The following PCDHA5 variants were observed in gnomAD, a reference collection of about 807,000 sequenced individuals.
The protein encoded by PCDHA5 is protocadherin alpha-5.
Under a neutral mutation model 61.6 loss-of-function variants are expected in PCDHA5, and 43 were observed. That is an observed-to-expected ratio of 0.70 (90% confidence interval 0.55 to 0.90). The LOEUF (loss-of-function observed/expected upper bound fraction) is 0.90, where lower values mean the gene tolerates loss of function less well. Ranked by LOEUF, PCDHA5 falls within the 40% of genes least tolerant of loss-of-function variation. The probability of loss-of-function intolerance (pLI) is 0.00; values close to 1 mark genes in which losing one functional copy is unlikely to be tolerated. For synonymous variants in PCDHA5, 627 were observed against 543.9 expected, an observed-to-expected ratio of 1.15 and a Z score of -2.13; for missense variants, 1,298 against 1,222.7, an observed-to-expected ratio of 1.06 and a Z score of -0.92.
rs2098415057 is a variant in PCDHA5, at chr5:141,009,865, A to G, written c.2739A>G (p.Lys913=). ...AGGAGGAGACCAAGAAAAAGAAGAAAAAGAAGAAGGGTAACAAGACCCAGG... is the reference window on the plus strand; with the variant it reads ...AGGAGGAGACCAAGAAAAAGAAGAAGAAGAAGAAGGGTAACAAGACCCAGG... ...GKKEETKKKK[K]KKKGNKTQEK... The change falls in exon 4 of 4, where the codon AAA becomes AAG. Residue 913 remains lysine, a synonymous_variant. Transcript: ENST00000529859. The G allele has an allele frequency of 6.2e-7, 1 of 1,614,076 alleles. No homozygotes were observed.
At chr5:140,883,615 C>A in intron 1 of PCDHA5, 2 of 1,613,938 alleles carry the variant, frequency 1.2e-6, no homozygotes, top group East Asian at 2.2e-5. Flanking sequence ...CCGACGTGAA[C>A]GACAACGCGC....
intron 1 of PCDHA5, chr5:140,870,351 C>G (rs958022470): frequency 2.5e-6 from 4 of 1,614,202 alleles, no homozygotes; most frequent in Non-Finnish European, 3.4e-6. Context: ...ACCGCGAGAA[C>G]GTGTGGGCCT....
chr5:140,843,319 G>A lies in PCDHA5; in HGVS notation c.2352+19192G>A, dbSNP rs1554139952. On this transcript the variant is annotated intron_variant, in intron 1 of 3. Coordinates refer to ENST00000529859, the MANE Select transcript of PCDHA5 (RefSeq NM_018908.3). The stretch of plus-strand genomic sequence containing the variant: ...CGCTGACCGCCACGGCCACGGTTCT[G>A]GTGTCGCTGGTGGAGAGCGGCCAGG... The A allele has an allele frequency of 5.6e-6, 9 of 1,595,928 alleles. 2 individuals carry two copies. In the African/African-American group the frequency reaches 1.2e-4, roughly 21 times the overall value.
intron 1 of PCDHA5, chr5:140,969,456 A>G (rs963968770): frequency 4.0e-6 from 6 of 1,508,992 alleles, no homozygotes; most frequent in Admixed American, 2.2e-5. Flanking sequence ...CTGAGTATAT[A>G]TAGTATCCAC....
At chr5:140,950,439 G>A (rs1448812695) in intron 1 of PCDHA5, among the ~76,000 whole-genome samples, 1 of 151,962 alleles carries the variant, frequency 6.6e-6, no homozygotes, top group Non-Finnish European at 1.5e-5. Context: ...TAAAAAAAAT[G>A]TTATTCTACT....
intron 1 of PCDHA5, chr5:140,830,337 C>G: frequency 6.2e-7 from 1 of 1,614,048 alleles, no homozygotes; most frequent in Non-Finnish European, 8.5e-7. Flanking sequence ...GGGAGCTGGT[C>G]GTACTCGCAG....
At chr5:140,838,624 A>G (rs181370925) in intron 1 of PCDHA5, among the ~76,000 whole-genome samples, 2 of 152,192 alleles carry the variant, frequency 1.3e-5, no homozygotes, top group Admixed American at 1.3e-4. Flanking sequence ...TTTTTTACAA[A>G]TAATTTGGTT....
rs2042381743 is a variant in PCDHA5 at position 140,852,581 on chromosome 5, T to A, written c.2352+28454T>A. ...GTGAGCCACTGTGCCAAGGCTTTTTTATTTTTTTTTTTTGTCATTTTCTTT... is the reference window on the plus strand; with the variant it reads ...GTGAGCCACTGTGCCAAGGCTTTTTAATTTTTTTTTTTTGTCATTTTCTTT... On this transcript the variant is annotated intron_variant, in intron 1 of 3. Transcript: ENST00000529859. 5 of 832,294 alleles carry A rather than the reference T, an allele frequency of 6.0e-6. 1 individual carries two copies. The highest frequency in any genetic ancestry group is 7.4e-6 in the Non-Finnish European group (5 of 678,338). 51.6% of individuals were successfully genotyped at this position (832,294 alleles called of 1,614,324 possible). A position where few individuals can be genotyped will look rare whatever the true frequency, so the allele number is the denominator to read the frequency against.
chr5:140,843,091 G>A (rs1554139733), intron 1 of PCDHA5: 3 of 1,595,616 alleles, frequency 1.9e-6, no homozygotes, highest in Non-Finnish European at 2.6e-6. Flanking sequence ...CGGGCCACGT[G>A]GTAGCGAAGG....
At chr5:140,915,083 C>G (rs2076973100) in intron 1 of PCDHA5, among the ~76,000 whole-genome samples, 1 of 151,628 alleles carries the variant, frequency 6.6e-6, no homozygotes, top group African/African-American at 2.4e-5. Flanking sequence ...GTAGCTGGGA[C>G]TATGGGCACG....
chr5:140,830,031 T>G (rs1243555382), intron 1 of PCDHA5: 1 of 1,613,728 alleles, frequency 6.2e-7, no homozygotes, highest in Non-Finnish European at 8.5e-7. Context: ...CGCCACCGGC[T>G]GCTGGTGCTG....
At chr5:140,962,455 A>G (rs571453201) in intron 1 of PCDHA5, among the ~76,000 whole-genome samples, 4 of 152,246 alleles carry the variant, frequency 2.6e-5, no homozygotes, top group Non-Finnish European at 4.4e-5. Flanking sequence ...TGAATCTCTT[A>G]TGGCTTGAAT....
chr5:140,848,521 C>T lies in PCDHA5; in HGVS notation c.2352+24394C>T, dbSNP rs2150411815. The T allele has an allele frequency of 1.3e-6, 2 of 1,592,868 alleles. 1 individual carries two copies. The highest frequency in any genetic ancestry group is 1.7e-6 in the Non-Finnish European group (2 of 1,164,010). On this transcript the variant is annotated intron_variant, in intron 1 of 3. Coordinates refer to ENST00000529859, the MANE Select transcript of PCDHA5 (RefSeq NM_018908.3). Reference sequence around the variant, plus strand: ...ATGTTATACTCAAGTCGAGGAGATCCAGAGGGTCAGCCTCTACTGCTCTCG... The same window carrying T: ...ATGTTATACTCAAGTCGAGGAGATCTAGAGGGTCAGCCTCTACTGCTCTCG...
chr5:140,954,091 A>G (rs1055518318), intron 1 of PCDHA5, among the ~76,000 whole-genome samples: 1 of 152,204 alleles, frequency 6.6e-6, no homozygotes, highest in African/African-American at 2.4e-5. Flanking sequence ...AGCTCCATCC[A>G]TGTCCCTGCA....
At chr5:140,916,264 A>G (rs1455161672) in intron 1 of PCDHA5, among the ~76,000 whole-genome samples, 1 of 152,200 alleles carries the variant, frequency 6.6e-6, no homozygotes, top group East Asian at 1.9e-4. Flanking sequence ...CCCCAAGAGC[A>G]TGCTTGTTGC....
chr5:140,877,094 G>C, intron 1 of PCDHA5: 1 of 1,613,310 alleles, frequency 6.2e-7, no homozygotes, highest in Non-Finnish European at 8.5e-7. Flanking sequence ...CGCGACGCCG[G>C]CGTGCCGCCT....
chr5:140,968,083 G>A (rs1298667830), intron 1 of PCDHA5: 1 of 1,614,006 alleles, frequency 6.2e-7, no homozygotes, highest in Non-Finnish European at 8.5e-7. Flanking sequence ...ACATCACGGT[G>A]ACAGCCACAG....
At chr5:140,842,470 G>A (rs782055761) in intron 1 of PCDHA5, 2 of 1,613,802 alleles carry the variant, frequency 1.2e-6, no homozygotes, top group South Asian at 1.1e-5. Context: ...GTGCCAACGG[G>A]CAGGTGACCT....
intron 1 of PCDHA5, among the ~76,000 whole-genome samples, chr5:140,826,671 C>A (rs1040298871): frequency 2.1e-4 from 32 of 151,720 alleles, no homozygotes; most frequent in Admixed American, 1.4e-3. Flanking sequence ...AAATTGTAGA[C>A]GTAATTAAAA....
Sources: gnomAD v4.1 joint callset for allele counts (sites outside exome capture counted in the v4.1 genomes callset) on GRCh38, gnomAD v4.1.1 for gene constraint, MANE v1.5 for transcripts, NCBI Gene and HGNC (gene_info 2026-07-23, HGNC 2026-07-21) for gene names.